DMRT1: variants seen among roughly 807,000 people sequenced by gnomAD.
The protein encoded by DMRT1 is doublesex and mab-3 related transcription factor 1.
In DMRT1, 7 loss-of-function variants were observed where a neutral mutation model predicts 32.3. The ratio of observed to expected loss-of-function variants is 0.22; its 90% CI spans 0.12 to 0.41. The LOEUF (loss-of-function observed/expected upper bound fraction) is 0.41, where lower values mean the gene tolerates loss of function less well. Ranked by LOEUF, DMRT1 falls within the 10% of genes least tolerant of loss-of-function variation. DMRT1 has a pLI of 1.00. For missense variants in DMRT1, 625 were observed against 500.5 expected, an observed-to-expected ratio of 1.25 and a Z score of -2.37; for synonymous variants, 278 against 206.1, an observed-to-expected ratio of 1.35 and a Z score of -2.99.
At chr9:909,533 A>C (rs1239439951) in intron 3 of DMRT1, among the ~76,000 whole-genome samples, 1 of 152,114 alleles carries the variant, frequency 6.6e-6, no homozygotes, top group East Asian at 1.9e-4. Flanking sequence ...TCATTTAATG[A>C]GGGTAAAAGT....
In DMRT1 at chr9:843,788, A is replaced by T. The variant is rs16924746; in HGVS notation, c.354+1596A>T. On this transcript the variant is annotated intron_variant, in intron 1 of 4. Transcript: ENST00000382276. ...CATTGAAAACAAATGCCCGAAGGTT[A>T]TATGCTTTTATATAATATATCAGAT... 7.7e-3 allele frequency among the ~76,000 whole-genome samples: 1,170 copies of T among 152,338 alleles called. 14 individuals carry two copies. The highest frequency in any genetic ancestry group is 0.012 in the Non-Finnish European group (791 of 68,034).
intron 1 of DMRT1, among the ~76,000 whole-genome samples, chr9:844,719 C>CT (rs35980858): frequency 1.2e-3 from 143 of 116,876 alleles, no homozygotes; most frequent in Middle Eastern, 9.7e-3. Context: ...TTCTTTCTTT[C>CT]TTTTTTTTTT....
intron 4 of DMRT1, among the ~76,000 whole-genome samples, chr9:920,827 C>T (rs1378217250): frequency 6.6e-6 from 1 of 152,092 alleles, no homozygotes; most frequent in African/African-American, 2.4e-5. Context: ...AACCAAGGGT[C>T]TGCAGAGTGG....
At position 965,952 on chromosome 9, in the gene DMRT1, TAGTC is replaced by T. The variant is rs1819917287; in HGVS notation, c.968-2029_968-2026del. Among the ~76,000 whole-genome samples, 1 of 152,176 alleles carries T rather than the reference TAGTC, an allele frequency of 6.6e-6. No individual in the cohort carries two copies. Among genetic ancestry groups the T allele is most frequent in the African/African-American group, 2.4e-5 (1 of 41,424 alleles). ...AAGTATGTGTGTGGCATACAGGTAG[TAGTC>T]AGTAATGTTTACTGTTCTTCTCCAT... is the stretch of plus-strand genomic sequence containing the variant. On this transcript the variant is annotated intron_variant, in intron 4 of 4. Transcript: ENST00000382276. The surrounding 1 kb of genome is among the most constrained non-coding windows in gnomAD (Gnocchi z 4.5).
At chr9:967,622 T>C (rs557296591) in intron 4 of DMRT1, among the ~76,000 whole-genome samples, 9 of 152,332 alleles carry the variant, frequency 5.9e-5, no homozygotes, top group African/African-American at 2.2e-4. Context: ...GATGGATCAC[T>C]TGACAAGTTT....
intron 2 of DMRT1, among the ~76,000 whole-genome samples, chr9:853,767 A>G (rs1009566238): frequency 6.6e-6 from 1 of 151,356 alleles, no homozygotes; most frequent in South Asian, 2.1e-4. Flanking sequence ...GGCCTCCCAA[A>G]ATGCTGGGAT....
At chr9:923,821 A>G (rs1818432604) in intron 4 of DMRT1, among the ~76,000 whole-genome samples, 1 of 152,258 alleles carries the variant, frequency 6.6e-6, no homozygotes, top group African/African-American at 2.4e-5. Context: ...GAAAATGCTG[A>G]GTTTAATTTA....
chr9:946,575 G>T (rs757436257), intron 4 of DMRT1, among the ~76,000 whole-genome samples: 6 of 152,130 alleles, frequency 3.9e-5, no homozygotes, highest in Admixed American at 6.5e-5. Flanking sequence ...ACCTCACACT[G>T]AATCCCAATC....
At chr9:862,645 G>C (rs1294244344) in intron 2 of DMRT1, among the ~76,000 whole-genome samples, 1 of 152,160 alleles carries the variant, frequency 6.6e-6, no homozygotes, top group Non-Finnish European at 1.5e-5. Flanking sequence ...AGGTGAAAGG[G>C]AGAGCTGCTT....
At chr9:890,987 T>C (rs535281075) in intron 2 of DMRT1, among the ~76,000 whole-genome samples, 425 of 151,130 alleles carry the variant, frequency 2.8e-3, no homozygotes, top group Non-Finnish European at 4.6e-3. Context: ...TACCTCAGCC[T>C]CCCAAAGTAC....
chr9:916,379 T>C (rs919002857), intron 3 of DMRT1, among the ~76,000 whole-genome samples: 5 of 151,826 alleles, frequency 3.3e-5, no homozygotes, highest in Admixed American at 1.3e-4. Context: ...TTTGCTTTTT[T>C]TTTTTGAGAC....
At chr9:930,930 T>C (rs1195662038) in intron 4 of DMRT1, among the ~76,000 whole-genome samples, 1 of 152,224 alleles carries the variant, frequency 6.6e-6, no homozygotes, top group Non-Finnish European at 1.5e-5. Context: ...TGGATTTTAG[T>C]ATATTAACAA....
chr9:904,441 T>C (rs1817695541), intron 3 of DMRT1, among the ~76,000 whole-genome samples: 1 of 152,176 alleles, frequency 6.6e-6, no homozygotes, highest in Non-Finnish European at 1.5e-5. Flanking sequence ...GCATAACAGG[T>C]TTGCCCTGTT....
At chr9:855,012 C>G (rs1052764783) in intron 2 of DMRT1, among the ~76,000 whole-genome samples, 3 of 151,386 alleles carry the variant, frequency 2.0e-5, no homozygotes, top group African/African-American at 7.3e-5. Flanking sequence ...CGTGATCCGC[C>G]CGCCTCAGCC....
chr9:843,516 G>C (rs1034231831), intron 1 of DMRT1, among the ~76,000 whole-genome samples: 2 of 152,238 alleles, frequency 1.3e-5, no homozygotes, highest in African/African-American at 2.4e-5. Context: ...GCGCGCCAGG[G>C]TTTGAGATTT....
At chr9:907,791 G>A (rs1050723192) in intron 3 of DMRT1, among the ~76,000 whole-genome samples, 1 of 151,230 alleles carries the variant, frequency 6.6e-6, no homozygotes, top group Admixed American at 6.6e-5. Context: ...CTATTCTATT[G>A]CATTCTGTTC....
intron 2 of DMRT1, among the ~76,000 whole-genome samples, chr9:851,489 C>T (rs781552049): frequency 1.1e-4 from 17 of 152,256 alleles, no homozygotes; most frequent in African/African-American, 3.9e-4. Flanking sequence ...TTGCCCGCCT[C>T]GGCCTCCCAA....
chr9:862,092 G>T (rs75545047), intron 2 of DMRT1, among the ~76,000 whole-genome samples: 59,337 of 123,306 alleles, frequency 0.48, 12,151 homozygotes, highest in Middle Eastern at 0.55. Flanking sequence ...TCACTTCCTA[G>T]ACGGGGTGGC....
chr9:900,748 A>C (rs1885772), intron 3 of DMRT1, among the ~76,000 whole-genome samples: 1 of 150,996 alleles, frequency 6.6e-6, no homozygotes, highest in African/African-American at 2.4e-5. Flanking sequence ...GCAGTAGTGC[A>C]ATCGTAGCTC....
Sources: allele counts gnomAD v4.1 joint callset (sites outside exome capture counted in the v4.1 genomes callset), GRCh38; gene constraint gnomAD v4.1.1; non-coding constraint Gnocchi (gnomAD v3.1); transcripts MANE v1.5; gene names NCBI Gene and HGNC (gene_info 2026-07-23, HGNC 2026-07-21).